Variants in SAMD4A observed in about 807,000 individuals in gnomAD.
SAMD4A encodes protein Smaug homolog 1.
A neutral mutation model predicts 81.3 loss-of-function variants in SAMD4A; 33 were observed. That is an observed-to-expected ratio of 0.41 (90% CI 0.31 to 0.54). The LOEUF is 0.54. SAMD4A is among the 20% of genes least tolerant of loss of function. The pLI is 0.37. For synonymous variants in SAMD4A, 389 were observed against 382.1 expected (o/e 1.02, Z -0.21); for missense variants, 854 against 951.1 (o/e 0.90, Z 1.34).
chr14:54,710,102 G>T (rs749750249), intron 3 of SAMD4A, among the ~76,000 whole-genome samples: 3 of 152,138 alleles, frequency 2.0e-5, no homozygotes, highest in Non-Finnish European at 4.4e-5. Context: ...GCTGGCCTTT[G>T]TTAGCCCAAC....
chr14:54,579,123 C>G (rs1200897477), intron 2 of SAMD4A, among the ~76,000 whole-genome samples: 1 of 152,208 alleles, frequency 6.6e-6, no homozygotes, highest in Admixed American at 6.5e-5. Flanking sequence ...GTGTGTCACA[C>G]ACTGTGCAGA....
chr14:54,578,769 C>T (rs2033382411), intron 2 of SAMD4A, among the ~76,000 whole-genome samples: 1 of 152,094 alleles, frequency 6.6e-6, no homozygotes, highest in South Asian at 2.1e-4. Context: ...TCCTCCTGCA[C>T]TTTTTGGCCT....
intron 2 of SAMD4A, among the ~76,000 whole-genome samples, chr14:54,634,677 G>A (rs145728293): frequency 6.6e-6 from 1 of 152,160 alleles, no homozygotes; most frequent in East Asian, 1.9e-4. Context: ...GACCAGTACC[G>A]GTCTGTGTCC....
intron 2 of SAMD4A, among the ~76,000 whole-genome samples, chr14:54,683,613 C>T (rs913547378): frequency 6.6e-6 from 1 of 152,150 alleles, no homozygotes; most frequent in African/African-American, 2.4e-5. Context: ...AATGTAGATT[C>T]CTTCCTGAGG....
At chr14:54,663,040 C>T (rs2035679300) in intron 2 of SAMD4A, among the ~76,000 whole-genome samples, 1 of 152,200 alleles carries the variant, frequency 6.6e-6, no homozygotes, top group Admixed American at 6.5e-5. Context: ...GGGGAAACTA[C>T]TCCATTGAAG....
At chr14:54,782,460 A>C (rs2039021489) in intron 11 of SAMD4A, among the ~76,000 whole-genome samples, 1 of 152,162 alleles carries the variant, frequency 6.6e-6, no homozygotes, top group African/African-American at 2.4e-5. Flanking sequence ...GAAAATACTA[A>C]AATCTCTTCC....
At chr14:54,706,787 G>A (rs920947673) in intron 3 of SAMD4A, among the ~76,000 whole-genome samples, 1 of 152,024 alleles carries the variant, frequency 6.6e-6, no homozygotes, top group African/African-American at 2.4e-5. Flanking sequence ...CAAGATGGAG[G>A]ACAGTGAAGA....
chr14:54,656,496 C>T (rs1339944908), intron 2 of SAMD4A, among the ~76,000 whole-genome samples: 5 of 152,196 alleles, frequency 3.3e-5, no homozygotes, highest in African/African-American at 1.2e-4. Flanking sequence ...AGCCCCATGG[C>T]TCTTGATATA....
chr14:54,779,635 G>T (rs1242281676), intron 11 of SAMD4A, among the ~76,000 whole-genome samples: 2 of 151,616 alleles, frequency 1.3e-5, no homozygotes, highest in East Asian at 1.9e-4. Flanking sequence ...GCACTTGGAG[G>T]CCCCTCAGGA....
intron 8 of SAMD4A, among the ~76,000 whole-genome samples, chr14:54,768,763 G>A (rs2038626026): frequency 6.6e-6 from 1 of 152,208 alleles, no homozygotes; most frequent in Admixed American, 6.5e-5. Flanking sequence ...ATTCTTAATG[G>A]CATCTGGCTA....
At chr14:54,688,229 G>C in intron 2 of SAMD4A, 1 of 985,446 alleles carries the variant, frequency 1.0e-6, no homozygotes, top group South Asian at 4.7e-5. Flanking sequence ...TGCATGTCTT[G>C]TGGGTTCATC....
At chr14:54,726,764 G>A (rs1419676157) in intron 3 of SAMD4A, among the ~76,000 whole-genome samples, 1 of 152,098 alleles carries the variant, frequency 6.6e-6, no homozygotes, top group Non-Finnish European at 1.5e-5. Flanking sequence ...TGGGCATCGG[G>A]GTTTTTTTTT....
chr14:54,664,639 A>G (rs1252425716), intron 2 of SAMD4A, among the ~76,000 whole-genome samples: 2 of 149,422 alleles, frequency 1.3e-5, no homozygotes, highest in East Asian at 2.0e-4. Context: ...CTTACTCCCT[A>G]AGCAATGTAG....
chr14:54,788,034 C>T (rs1164183868), intron 12 of SAMD4A, among the ~76,000 whole-genome samples: 2 of 152,160 alleles, frequency 1.3e-5, no homozygotes, highest in African/African-American at 4.8e-5. Flanking sequence ...TAGCCTGGGT[C>T]ATCCACTTCT....
intron 2 of SAMD4A, among the ~76,000 whole-genome samples, chr14:54,655,178 G>T (rs2035491766): frequency 6.6e-6 from 1 of 152,160 alleles, no homozygotes; most frequent in Admixed American, 6.5e-5. Flanking sequence ...TCATTATTTT[G>T]CGGATGAAAG....
chr14:54,622,476 T>C (rs2034640147), intron 2 of SAMD4A, among the ~76,000 whole-genome samples: 2 of 152,244 alleles, frequency 1.3e-5, no homozygotes, highest in African/African-American at 4.8e-5. Flanking sequence ...TTGATAAATG[T>C]GAACATTTAA....
intron 2 of SAMD4A, among the ~76,000 whole-genome samples, chr14:54,684,585 C>T (rs966727515): frequency 1.3e-5 from 2 of 151,840 alleles, no homozygotes; most frequent in Admixed American, 6.6e-5. Flanking sequence ...TGAGGGCCTG[C>T]CCTGTTTCCA....
chr14:54,686,396 C>T lies in SAMD4A; in HGVS notation c.197-15666C>T, dbSNP rs141418345. Among the ~76,000 whole-genome samples, 524 of 152,234 alleles carry T rather than the reference C, an allele frequency of 3.4e-3. 5 individuals carry two copies. The highest frequency in any genetic ancestry group is 0.012 in the African/African-American group (503 of 41,534). ...TGATTTCATTCTGCCCTTTTTATGT[C>T]GCAGCCAGGGGCTTGCGTCATATAA... On this transcript the variant is annotated intron_variant, in intron 2 of 12. Transcript: ENST00000554335.
intron 3 of SAMD4A, among the ~76,000 whole-genome samples, chr14:54,719,401 TGA>T (rs1435312868): frequency 6.6e-6 from 1 of 152,178 alleles, no homozygotes; most frequent in East Asian, 1.9e-4. Context: ...CATTCAAAGT[TGA>T]GTCTGACTTT....
Sources: allele counts gnomAD v4.1 joint callset (sites outside exome capture counted in the v4.1 genomes callset), GRCh38; gene constraint gnomAD v4.1.1; transcripts MANE v1.5; gene names NCBI Gene and HGNC (gene_info 2026-07-23, HGNC 2026-07-21).